ARMH3: variants seen among roughly 807,000 people sequenced by gnomAD.
The protein encoded by ARMH3 is armadillo-like helical domain-containing protein 3.
Under a neutral mutation model 99.1 loss-of-function variants are expected in ARMH3, and 60 were observed. That is an observed-to-expected ratio of 0.61 (90% CI 0.49 to 0.75). ARMH3 has a LOEUF of 0.75. Among genes scored for constraint, ARMH3 ranks in the 30% least tolerant of loss-of-function variants. The pLI, the probability that ARMH3 is intolerant of heterozygous loss-of-function variation, is 0.00. For missense variants in ARMH3, 679 were observed against 843.1 expected, an observed-to-expected ratio of 0.81 and a Z score of 2.41; for synonymous variants, 285 against 292.8, an observed-to-expected ratio of 0.97 and a Z score of 0.27.
chr10:101,995,267 G>A (rs1217275621), intron 16 of ARMH3, 30 bp downstream of exon 16: 1 of 1,591,120 alleles, frequency 6.3e-7, no homozygotes, highest in African/African-American at 1.3e-5. Flanking sequence ...GTAAAAGACT[G>A]CCTAATAGCA....
chr10:101,855,356 C>T (rs1185573359), intron 24 of ARMH3, among the ~76,000 whole-genome samples: 3 of 148,786 alleles, frequency 2.0e-5, no homozygotes, highest in Non-Finnish European at 4.5e-5. Context: ...CGTGAGCCAC[C>T]ACGCCCAGCT....
chr10:101,962,970 CTTTTTTTT>C (rs11358645), intron 20 of ARMH3, among the ~76,000 whole-genome samples: 4 of 131,770 alleles, frequency 3.0e-5, no homozygotes, highest in East Asian at 2.3e-4. Context: ...GTCTTTTTTT[CTTTTTTTT>C]TTTTTTTTTG....
Position 102,029,626 on chromosome 10 carries a change from C to T in ARMH3, c.414+12G>A. 6.2e-7 allele frequency: 1 copy of T among 1,614,224 alleles called. No homozygotes were observed. The highest frequency in any genetic ancestry group is 8.5e-7 in the Non-Finnish European group (1 of 1,180,030). On this transcript the variant is annotated intron_variant, in intron 5 of 25. Transcript: ENST00000370033. ...CTGCCATCCACAGGCACATCTGCAG[C>T]TTATGCCTCACCTTCATGCACAGCT...
intron 15 of ARMH3, among the ~76,000 whole-genome samples, chr10:102,001,009 G>T (rs1479452610): frequency 6.6e-6 from 1 of 151,896 alleles, no homozygotes; most frequent in Non-Finnish European, 1.5e-5. Flanking sequence ...TACAGACAAG[G>T]TTTCACCATG....
At chr10:102,016,132 C>G (rs918840320) in intron 8 of ARMH3, among the ~76,000 whole-genome samples, 9 of 152,200 alleles carry the variant, frequency 5.9e-5, no homozygotes, top group Non-Finnish European at 1.0e-4. Context: ...GAGACCCTGT[C>G]TCGATCAATC....
rs915466493 is a variant in ARMH3 at position 102,029,698 on chromosome 10, G to A, written c.354C>T (p.Thr118=). ...GCATGTTGATAATGTCAAACCCAGA[G>A]GTAGACTTATTCTTTTGATGGACTC... The part of the protein sequence containing the change: ...IRGVHQKNKS[T]SGFDIINMLM... Residue 118 remains threonine (T), a synonymous_variant, in exon 5 of 26, where the codon ACC becomes ACT. Transcript: ENST00000370033. The A allele has an allele frequency of 9.9e-6, 16 of 1,614,018 alleles. No homozygotes were observed. The highest frequency in any genetic ancestry group is 1.3e-5 in the Non-Finnish European group (15 of 1,180,042).
chr10:101,849,707 G>A, intron 25 of ARMH3, 69 bp downstream of exon 25: 4 of 1,348,050 alleles, frequency 3.0e-6, no homozygotes, highest in Non-Finnish European at 4.2e-6. Context: ...ATAAACTGCA[G>A]ATAAACTGCA....
chr10:102,050,453 CAAAT>C (rs960472132), intron 1 of ARMH3, among the ~76,000 whole-genome samples: 1 of 152,038 alleles, frequency 6.6e-6, no homozygotes, highest in African/African-American at 2.4e-5. Flanking sequence ...GACTCTGTCT[CAAAT>C]AAATAAATAA....
intron 8 of ARMH3, among the ~76,000 whole-genome samples, chr10:102,016,301 A>C (rs2066750356): frequency 6.6e-6 from 1 of 152,224 alleles, no homozygotes; most frequent in Non-Finnish European, 1.5e-5. Context: ...GTATTCAAAA[A>C]GTTTCAGATT....
intron 1 of ARMH3, among the ~76,000 whole-genome samples, chr10:102,045,860 C>A (rs993202929): frequency 2.6e-5 from 4 of 151,940 alleles, no homozygotes; most frequent in African/African-American, 9.7e-5. Context: ...TTTGGGAGGC[C>A]GAGGTAGGTG....
intron 1 of ARMH3, among the ~76,000 whole-genome samples, chr10:102,041,090 A>ATAATATATATAT (rs1554897209): frequency 2.3e-5 from 3 of 132,634 alleles, no homozygotes; most frequent in Non-Finnish European, 3.3e-5. Context: ...ATATATATAT[A>ATAATATATATAT]ATATATATAT....
At chr10:101,896,431 G>C (rs1379519964) in intron 23 of ARMH3, among the ~76,000 whole-genome samples, 2 of 152,196 alleles carry the variant, frequency 1.3e-5, no homozygotes, top group African/African-American at 4.8e-5. Flanking sequence ...GGTTAGGGAA[G>C]AATAGGGAGT....
intron 20 of ARMH3, among the ~76,000 whole-genome samples, chr10:101,959,225 A>C (rs1845174024): frequency 6.6e-6 from 1 of 152,202 alleles, no homozygotes; most frequent in Non-Finnish European, 1.5e-5. Context: ...CCAGGAGCAC[A>C]GGAATAATGG....
chr10:102,051,714 A>C (rs1369416772), intron 1 of ARMH3, among the ~76,000 whole-genome samples: 1 of 152,212 alleles, frequency 6.6e-6, no homozygotes, highest in African/African-American at 2.4e-5. Context: ...ACTAAGAAGC[A>C]AATGGCAAAA....
intron 13 of ARMH3, among the ~76,000 whole-genome samples, chr10:102,007,251 T>C (rs1239314834): frequency 6.6e-6 from 1 of 150,390 alleles, no homozygotes; most frequent in South Asian, 2.1e-4. Flanking sequence ...TGATGCTTGC[T>C]AATCTCTAAT....
intron 1 of ARMH3, among the ~76,000 whole-genome samples, chr10:102,052,169 C>A (rs1469921434): frequency 6.6e-6 from 1 of 152,028 alleles, no homozygotes; most frequent in Admixed American, 6.6e-5. Context: ...TCATGAACAC[C>A]ACCTAAATAT....
intron 23 of ARMH3, among the ~76,000 whole-genome samples, chr10:101,921,098 TAAC>T (rs958306869): frequency 7.2e-5 from 11 of 152,194 alleles, no homozygotes; most frequent in African/African-American, 2.2e-4. Flanking sequence ...CTACCAAACT[TAAC>T]AAATCATTAG....
At chr10:101,976,267 G>A (rs1259275502) in intron 19 of ARMH3, among the ~76,000 whole-genome samples, 1 of 149,446 alleles carries the variant, frequency 6.7e-6, no homozygotes, top group African/African-American at 2.5e-5. Context: ...TTGAACCTAG[G>A]AAGCAAAGGT....
At chr10:102,035,928 T>C (rs2067246891) in intron 2 of ARMH3, among the ~76,000 whole-genome samples, 1 of 150,986 alleles carries the variant, frequency 6.6e-6, no homozygotes. Context: ...GGAGCGCCTC[T>C]TCCCAGCGGC....
Sources: allele counts gnomAD v4.1 joint callset (sites outside exome capture counted in the v4.1 genomes callset), GRCh38; gene constraint gnomAD v4.1.1; transcripts MANE v1.5; gene names NCBI Gene and HGNC (gene_info 2026-07-23, HGNC 2026-07-21).